SPAG16: variants seen among roughly 807,000 people sequenced by gnomAD.
SPAG16 encodes sperm-associated antigen 16 protein.
In SPAG16, 86 loss-of-function variants were observed where a neutral mutation model predicts 80.4. The ratio of observed to expected loss-of-function variants is 1.07; its 90% confidence interval spans 0.90 to 1.28. SPAG16 has a LOEUF of 1.28. SPAG16 is among the 50% of genes most tolerant of loss of function. The pLI is 0.00. For synonymous variants in SPAG16, 294 were observed against 265.9 expected (o/e 1.11, Z -1.03); for missense variants, 870 against 765.3 (o/e 1.14, Z -1.61).
At chr2:213,715,226 A>G (rs13409968) in intron 10 of SPAG16, among the ~76,000 whole-genome samples, 211 of 99,908 alleles carry the variant, frequency 2.1e-3, no homozygotes, top group African/African-American at 5.6e-3. Flanking sequence ...CTATCTGTCT[A>G]TCTATCTATC....
chr2:213,973,644 T>C (rs990323215), intron 12 of SPAG16, among the ~76,000 whole-genome samples: 5 of 151,894 alleles, frequency 3.3e-5, no homozygotes, highest in Non-Finnish European at 5.9e-5. Flanking sequence ...CCCTTTTTTT[T>C]TTTTTTGATT....
At chr2:213,636,051 A>G (rs1224708870) in intron 10 of SPAG16, among the ~76,000 whole-genome samples, 3 of 152,050 alleles carry the variant, frequency 2.0e-5, no homozygotes, top group African/African-American at 4.8e-5. Flanking sequence ...AGTTTTTCCA[A>G]TGTTGTCTTC....
At chr2:214,277,246 C>A (rs563776092) in intron 15 of SPAG16, among the ~76,000 whole-genome samples, 1 of 152,204 alleles carries the variant, frequency 6.6e-6, no homozygotes, top group East Asian at 1.9e-4. Context: ...CCTCCTTTAG[C>A]TCCTTTAGCT....
At chr2:214,177,688 ATG>A (rs1005059450) in intron 15 of SPAG16, among the ~76,000 whole-genome samples, 3 of 150,242 alleles carry the variant, frequency 2.0e-5, no homozygotes, top group African/African-American at 7.3e-5. Context: ...TTGTACATTG[ATG>A]TGTTACAGAA....
intron 5 of SPAG16, among the ~76,000 whole-genome samples, chr2:213,336,255 A>G (rs920951340): frequency 6.6e-6 from 1 of 152,212 alleles, no homozygotes; most frequent in African/African-American, 2.4e-5. Flanking sequence ...CTGTAAAGAC[A>G]TGGCAGCTGC....
At chr2:213,347,805 A>G (rs985767682) in intron 6 of SPAG16, among the ~76,000 whole-genome samples, 14 of 152,186 alleles carry the variant, frequency 9.2e-5, no homozygotes, top group Admixed American at 7.2e-4. Flanking sequence ...TTTACTTCCA[A>G]CTGTGTGGTC....
chr2:213,340,281 A>G lies in SPAG16; in HGVS notation c.644+11A>G. ...TAATGACCTCAAAGGGTAAGCTTAT[A>G]CTTGTTGGCATATTTATTAAAGAGT... On this transcript the variant is annotated intron_variant, in intron 6 of 15. Transcript: ENST00000331683. 2 of 1,501,732 alleles carry G rather than the reference A, an allele frequency of 1.3e-6. No individual in the cohort carries two copies. Among genetic ancestry groups the G allele is most frequent in the South Asian group, 2.3e-5 (2 of 85,202 alleles). The allele number at this position is 1,501,732 out of a possible 1,614,324, so 93.0% of individuals were successfully genotyped here.
intron 15 of SPAG16, among the ~76,000 whole-genome samples, chr2:214,265,794 AT>A (rs1170345833): frequency 1.6e-4 from 24 of 151,772 alleles, no homozygotes; most frequent in Admixed American, 1.6e-3. Context: ...ATAATTTTTT[AT>A]TGCTGTTTCT....
chr2:214,095,917 A>G (rs1477220262), intron 13 of SPAG16, among the ~76,000 whole-genome samples: 2 of 152,032 alleles, frequency 1.3e-5, no homozygotes, highest in African/African-American at 2.4e-5. Context: ...ATGGGGGAAA[A>G]TAAAACCCTA....
intron 10 of SPAG16, among the ~76,000 whole-genome samples, chr2:213,726,274 A>G (rs113856209): frequency 2.6e-5 from 4 of 152,164 alleles, no homozygotes; most frequent in Non-Finnish European, 5.9e-5. Context: ...TCTCTCAGGG[A>G]TGTGTCCTGC....
chr2:214,285,317 T>G (rs1363147377), intron 15 of SPAG16, among the ~76,000 whole-genome samples: 1 of 152,190 alleles, frequency 6.6e-6, no homozygotes, highest in Non-Finnish European at 1.5e-5. Context: ...TTAATCAGAT[T>G]ATTTGAGGTT....
intron 10 of SPAG16, among the ~76,000 whole-genome samples, chr2:213,545,860 T>C (rs1400053296): frequency 6.6e-6 from 1 of 152,112 alleles, no homozygotes; most frequent in Non-Finnish European, 1.5e-5. Context: ...TTGATGTCCA[T>C]AGGTCTTTTC....
intron 9 of SPAG16, among the ~76,000 whole-genome samples, chr2:213,392,824 T>C (rs891652072): frequency 6.6e-6 from 1 of 151,074 alleles, no homozygotes; most frequent in South Asian, 2.1e-4. Context: ...CCATCCTGGG[T>C]GATGGAGCGA....
At chr2:213,376,201 G>T (rs1427570613) in intron 9 of SPAG16, among the ~76,000 whole-genome samples, 1 of 151,784 alleles carries the variant, frequency 6.6e-6, no homozygotes, top group Non-Finnish European at 1.5e-5. Flanking sequence ...AATGATGGAG[G>T]TGATTGTCAT....
intron 5 of SPAG16, among the ~76,000 whole-genome samples, chr2:213,326,597 G>A (rs554727364): frequency 1.3e-5 from 2 of 151,876 alleles, no homozygotes; most frequent in South Asian, 2.1e-4. Context: ...AATTTAGTGG[G>A]TTAAATAAAT....
intron 15 of SPAG16, among the ~76,000 whole-genome samples, chr2:214,166,225 T>A (rs2056649981): frequency 6.6e-6 from 1 of 152,134 alleles, no homozygotes; most frequent in African/African-American, 2.4e-5. Flanking sequence ...ATAGACAGGA[T>A]GCTGTGCTGC....
Position 213,350,620 on chromosome 2 carries a change from T to G in SPAG16, c.737T>G (p.Leu246Trp). 6.3e-7 allele frequency: 1 copy of G among 1,599,736 alleles called. No individual in the cohort carries two copies. The highest frequency in any genetic ancestry group is 8.5e-7 in the Non-Finnish European group (1 of 1,174,916). Reference protein sequence around the residue: ...TLLKEKMLTSLERDKVVGQIS... With the variant: ...TLLKEKMLTSWERDKVVGQIS... ...CTGAAGGAGAAAATGCTGACCTCCT[T>G]GGAAAGAGACAAAGTAGTTGGGCAG... Residue 246 changes from leucine (L) to tryptophan (W), a missense_variant, in exon 7 of 16, where the codon TTG becomes TGG. Transcript: ENST00000331683.
intron 7 of SPAG16, among the ~76,000 whole-genome samples, chr2:213,358,425 G>A (rs1314346585): frequency 6.6e-6 from 1 of 152,136 alleles, no homozygotes; most frequent in East Asian, 1.9e-4. Context: ...TTTTCACATA[G>A]TGCCATATTT....
intron 10 of SPAG16, among the ~76,000 whole-genome samples, chr2:213,575,695 G>T (rs551560749): frequency 9.9e-5 from 15 of 152,000 alleles, no homozygotes; most frequent in Non-Finnish European, 1.8e-4. Context: ...TCATTCAATT[G>T]TTCATTGAAT....
Sources: gnomAD v4.1 joint callset for allele counts (sites outside exome capture counted in the v4.1 genomes callset) on GRCh38, gnomAD v4.1.1 for gene constraint, MANE v1.5 for transcripts, NCBI Gene and HGNC (gene_info 2026-07-23, HGNC 2026-07-21) for gene names.